Variants in GAD1 observed in about 807,000 individuals in gnomAD.
GAD1 encodes the protein 67 kDa glutamic acid decarboxylase.
Under a neutral mutation model 75.2 loss-of-function variants are expected in GAD1, and 35 were observed. That is an observed-to-expected ratio of 0.47 (90% CI 0.36 to 0.62). The LOEUF (loss-of-function observed/expected upper bound fraction) is 0.62. Ranked by LOEUF, GAD1 falls within the 20% of genes least tolerant of loss-of-function variation. The probability of loss-of-function intolerance (pLI) is 0.00; values close to 1 mark genes in which losing one functional copy is unlikely to be tolerated. For missense variants in GAD1, 490 were observed against 758.5 expected, an observed-to-expected ratio of 0.65 and a Z score of 4.16; for synonymous variants, 257 against 271.9, an observed-to-expected ratio of 0.95 and a Z score of 0.54.
At position 170,828,212 on chromosome 2, in the gene GAD1, A is replaced by G. The variant is rs13014614; in HGVS notation, c.146-1263A>G. On this transcript the variant is annotated intron_variant, in intron 3 of 16. Coordinates refer to ENST00000358196, the MANE Select transcript of GAD1 (RefSeq NM_000817.3). ...TGTCCTCACCTCTCCTCTCTCTGCT[A>G]TCCTCACCCCTCCTCTTTCTGCTGT... is the stretch of plus-strand genomic sequence containing the variant. Among the ~76,000 whole-genome samples, 378 of 63,364 alleles carry G rather than the reference A, an allele frequency of 6.0e-3. 2 individuals are homozygous for G. The highest frequency in any genetic ancestry group is 0.045 in the East Asian group (36 of 792). The allele number at this position is 63,364 out of a possible 152,430, so 41.6% of individuals were successfully genotyped here. A position where few individuals can be genotyped will look rare whatever the true frequency, so the allele number is the denominator to read the frequency against.
chr2:170,840,658 A>AAGGGAGGTAGGGGAGGG (rs1553578766), intron 6 of GAD1, among the ~76,000 whole-genome samples: 1 of 77,320 alleles, frequency 1.3e-5, no homozygotes, highest in East Asian at 5.1e-4. Context: ...GGAGGTAGGG[A>AAGGGAGGTAGGGGAGGG]AGGGAGGGAG....
At chr2:170,819,403 C>T (rs1239334575) in intron 2 of GAD1, among the ~76,000 whole-genome samples, 1 of 152,068 alleles carries the variant, frequency 6.6e-6, no homozygotes, top group Non-Finnish European at 1.5e-5. Flanking sequence ...GAGCACCTCT[C>T]TCCTTATCCC....
At chr2:170,855,649 C>T (rs962515100) in intron 14 of GAD1, among the ~76,000 whole-genome samples, 55 of 151,834 alleles carry the variant, frequency 3.6e-4, no homozygotes, top group African/African-American at 8.9e-4. Context: ...CCAAGGCAGG[C>T]GGATCATTTG....
intron 3 of GAD1, among the ~76,000 whole-genome samples, chr2:170,825,107 A>G (rs1701992775): frequency 6.6e-6 from 1 of 152,068 alleles, no homozygotes; most frequent in African/African-American, 2.4e-5. Flanking sequence ...TCAGAAAAAG[A>G]AGTCATGGTG....
At chr2:170,854,714 C>A (rs1227961632) in intron 14 of GAD1, among the ~76,000 whole-genome samples, 2 of 152,194 alleles carry the variant, frequency 1.3e-5, no homozygotes, top group Non-Finnish European at 2.9e-5. Context: ...CCCTTGAATT[C>A]TTTTATGAGG....
At chr2:170,820,785 T>TG (rs1296695194) in intron 2 of GAD1, among the ~76,000 whole-genome samples, 1 of 152,210 alleles carries the variant, frequency 6.6e-6, no homozygotes, top group Non-Finnish European at 1.5e-5. Context: ...TGATTGACCT[T>TG]GGAAAACTCA....
intron 2 of GAD1, among the ~76,000 whole-genome samples, chr2:170,819,002 A>G (rs1458221065): frequency 2.0e-5 from 3 of 152,170 alleles, no homozygotes; most frequent in Non-Finnish European, 4.4e-5. Context: ...GACAGGGGTC[A>G]GCGCAGGGGG....
At chr2:170,832,664 G>GCGCACACACACA (rs1383855055) in intron 5 of GAD1, among the ~76,000 whole-genome samples, 1 of 78,910 alleles carries the variant, frequency 1.3e-5, no homozygotes, top group African/African-American at 3.8e-5. Flanking sequence ...GCGCGCGCGC[G>GCGCACACACACA]CACACACACA....
chr2:170,832,120 G>C (rs1270297259), intron 5 of GAD1, among the ~76,000 whole-genome samples: 1 of 152,088 alleles, frequency 6.6e-6, no homozygotes, highest in African/African-American at 2.4e-5. Flanking sequence ...GGAGAATTGG[G>C]CTATTTCCTC....
At chr2:170,823,025 A>G (rs1701931382) in intron 3 of GAD1, among the ~76,000 whole-genome samples, 1 of 152,270 alleles carries the variant, frequency 6.6e-6, no homozygotes, top group Admixed American at 6.5e-5. Context: ...TCGAAGGGAC[A>G]CAGCTGAGTG....
chr2:170,820,920 C>G (rs1375236440), intron 2 of GAD1, among the ~76,000 whole-genome samples: 1 of 152,232 alleles, frequency 6.6e-6, no homozygotes, highest in Non-Finnish European at 1.5e-5. Context: ...AGCACTTTAT[C>G]AGGTCCAAAT....
At chr2:170,839,844 C>A (rs934524730) in intron 6 of GAD1, among the ~76,000 whole-genome samples, 1 of 152,140 alleles carries the variant, frequency 6.6e-6, no homozygotes, top group Admixed American at 6.5e-5. Context: ...CATCTAATGG[C>A]AATACATAAT....
chr2:170,848,580 TA>T, intron 11 of GAD1: 1 of 432,202 alleles, frequency 2.3e-6, no homozygotes, highest in Non-Finnish European at 4.6e-6. Flanking sequence ...CATTATCAAC[TA>T]AGAGACTTAA....
intron 5 of GAD1, among the ~76,000 whole-genome samples, chr2:170,831,592 A>ATGTGTG (rs1491343382): frequency 5.3e-5 from 5 of 94,918 alleles, no homozygotes; most frequent in South Asian, 4.3e-4. Context: ...TTGTCTCTAC[A>ATGTGTG]TATGTGTGTG....
Position 170,847,743 on chromosome 2 carries a change from A to G in GAD1, c.1070A>G (p.Gln357Arg), listed in dbSNP as rs201591160. The change falls in exon 11 of 17, where the codon CAA becomes CGA. Residue 357 changes from glutamine to arginine, a missense_variant. Gln to Arg is a conservative substitution (Grantham distance 43). Transcript: ENST00000358196. Reference protein sequence around the residue: ...TTVYGAFDPIQEIADICEKYN... With the variant: ...TTVYGAFDPIREIADICEKYN... ...GTTTATGGAGCTTTTGATCCGATAC[A>G]AGAGATTGCAGATATATGTGAGAAA... 4.3e-6 allele frequency: 7 copies of G among 1,614,202 alleles called. No individual in the cohort carries two copies. The highest frequency in any genetic ancestry group is 3.4e-6 in the Non-Finnish European group (4 of 1,180,000).
chr2:170,850,121 C>T (rs1575444366), intron 12 of GAD1, among the ~76,000 whole-genome samples: 1 of 152,290 alleles, frequency 6.6e-6, no homozygotes, highest in East Asian at 1.9e-4. Context: ...ATCCAGCCAC[C>T]TATGGTGCTT....
chr2:170,822,293 C>T, intron 3 of GAD1, 144 bp downstream of exon 3: 3 of 749,602 alleles, frequency 4.0e-6, no homozygotes, highest in East Asian at 5.4e-5. Context: ...CAGCCAGCGA[C>T]CACGCTCCCC....
intron 1 of GAD1, 119 bp downstream of exon 1, chr2:170,817,167 G>A (rs1701719427): frequency 7.8e-6 from 1 of 128,804 alleles, no homozygotes; most frequent in African/African-American, 2.8e-5. Context: ...CCAACCTCCC[G>A]AAATGAGTGC....
rs767248551 is a variant in GAD1, at chr2:170,845,785, G to A, written c.947G>A (p.Arg316Lys). The A allele has an allele frequency of 1.9e-6, 3 of 1,613,750 alleles. No homozygotes were observed. Among genetic ancestry groups the A allele is most frequent in the Non-Finnish European group, 1.7e-6 (2 of 1,179,648 alleles). Residue 316 changes from arginine (R) to lysine (K), a missense_variant and splice_region_variant, in exon 9 of 17, where the codon AGG (arginine) becomes AAG (lysine). Physicochemically the swap from Arg to Lys is conservative, Grantham distance 26. Coordinates refer to ENST00000358196, the MANE Select transcript of GAD1 (RefSeq NM_000817.3). ...DNVILIKCNERGKIIPADFEA... is the reference protein window; with the variant it reads ...DNVILIKCNEKGKIIPADFEA... ...GTGATTTTGATAAAGTGCAATGAAA[G>A]GTAGGCAGGGGAGGGTGAATATTAG... is the stretch of plus-strand genomic sequence containing the variant.
Sources: allele counts gnomAD v4.1 joint callset (sites outside exome capture counted in the v4.1 genomes callset), GRCh38; gene constraint gnomAD v4.1.1; transcripts MANE v1.5; gene names NCBI Gene and HGNC (gene_info 2026-07-23, HGNC 2026-07-21).